The following SFSWAP variants were observed in gnomAD, a reference collection of about 807,000 sequenced individuals.
The protein encoded by SFSWAP is splicing factor, suppressor of white-apricot homolog.
SFSWAP carries 17 observed loss-of-function variants against 100.7 expected under a neutral mutation model. The observed-to-expected ratio is 0.17, with a 90% confidence interval of 0.12 to 0.25. The LOEUF is 0.25. Among genes scored for constraint, SFSWAP ranks in the 10% least tolerant of loss-of-function variants. The pLI is 1.00. For synonymous variants in SFSWAP, 504 were observed against 510.1 expected, an observed-to-expected ratio of 0.99 and a Z score of 0.16; for missense variants, 1,005 against 1,262.6, an observed-to-expected ratio of 0.80 and a Z score of 3.09.
At chr12:131,735,330 C>T (rs1879906761) in intron 7 of SFSWAP, among the ~76,000 whole-genome samples, 1 of 152,176 alleles carries the variant, frequency 6.6e-6, no homozygotes. Context: ...GAGCCCTTTG[C>T]TTTGCTTCTC....
At chr12:131,739,804 A>G (rs1032341901) in intron 7 of SFSWAP, among the ~76,000 whole-genome samples, 8 of 151,844 alleles carry the variant, frequency 5.3e-5, no homozygotes, top group African/African-American at 1.9e-4. Flanking sequence ...TGGCCTCCCA[A>G]AGTGCTGGGA....
At chr12:131,760,869 C>G (rs114446800) in intron 11 of SFSWAP, among the ~76,000 whole-genome samples, 1,809 of 152,186 alleles carry the variant, frequency 0.012, 36 homozygotes, top group African/African-American at 0.04. Context: ...GTCGGGATTT[C>G]GAGACCAGCC....
At chr12:131,776,218 T>C (rs1884013642) in intron 13 of SFSWAP, among the ~76,000 whole-genome samples, 1 of 152,176 alleles carries the variant, frequency 6.6e-6, no homozygotes, top group Non-Finnish European at 1.5e-5. Context: ...GTAAAGTGGA[T>C]TTTTTTGCCA....
In SFSWAP at chr12:131,711,483, C is replaced by T. The variant is rs760936378; in HGVS notation, c.218+36C>T. 7.2e-6 allele frequency: 11 copies of T among 1,525,800 alleles called. No homozygotes were observed. The highest frequency in any genetic ancestry group is 3.4e-5 in the South Asian group (3 of 89,324). The allele number at this position is 1,525,800 out of a possible 1,614,324, so 94.5% of individuals were successfully genotyped here. On this transcript the variant is annotated intron_variant, in intron 1 of 17. Transcript: ENST00000261674. The surrounding 1 kb of genome is among the most constrained non-coding windows in gnomAD (Gnocchi z 4.9). ...CTCCCCACCCGTCGATCCTTCCCTT[C>T]CCTCACCCGCTTGATCTCGTCTGAT... is the stretch of plus-strand genomic sequence containing the variant.
chr12:131,776,918 T>C (rs557153277), intron 13 of SFSWAP, among the ~76,000 whole-genome samples: 1 of 152,356 alleles, frequency 6.6e-6, no homozygotes, highest in South Asian at 2.1e-4. Flanking sequence ...CTGGTTCCGA[T>C]GCGCTGTGGT....
chr12:131,785,603 C>T (rs1566056978), intron 14 of SFSWAP: 1 of 177,522 alleles, frequency 5.6e-6, no homozygotes, highest in African/African-American at 2.4e-5. Flanking sequence ...AGGTCCCAAA[C>T]TCATCGCTAA....
At chr12:131,795,142 C>T (rs1158826019) in intron 15 of SFSWAP, among the ~76,000 whole-genome samples, 1 of 152,222 alleles carries the variant, frequency 6.6e-6, no homozygotes, top group Non-Finnish European at 1.5e-5. Context: ...ACATGTTGTC[C>T]TCACTGGGCA....
chr12:131,783,872 CTG>C (rs1884704822), intron 14 of SFSWAP: 1 of 141,968 alleles, frequency 7.0e-6, no homozygotes, highest in Non-Finnish European at 1.5e-5. Context: ...GTGAAGGAGA[CTG>C]GGGATTTGGA....
chr12:131,797,230 A>G lies in SFSWAP; in HGVS notation c.2587A>G (p.Lys863Glu), dbSNP rs767096650. 3 of 1,612,332 alleles carry G rather than the reference A, an allele frequency of 1.9e-6. No homozygotes were observed. The highest frequency in any genetic ancestry group is 2.2e-5 in the East Asian group (1 of 44,880). Residue 863 changes from lysine to glutamate, a missense_variant, in exon 16 of 18, where the codon AAG becomes GAG. Physicochemically the swap from Lys to Glu is moderately conservative, Grantham distance 56 (BLOSUM62 1). Coordinates refer to ENST00000261674, the MANE Select transcript of SFSWAP (RefSeq NM_004592.4). ...KRRSRSRTKS[K>E]ARSQSVSPSK... ...GCGGTCCCGGTCGCGGACCAAGTCC[A>G]AGGCCAGGTCTCAGTCGGTGTCACC...
At chr12:131,744,783 G>T (rs1381114381) in intron 7 of SFSWAP, among the ~76,000 whole-genome samples, 2 of 152,176 alleles carry the variant, frequency 1.3e-5, no homozygotes, top group Admixed American at 1.3e-4. Context: ...AGAAAAAGAG[G>T]TTTAATGGAC....
chr12:131,783,792 T>TTTTATATATATA (rs1312028614), intron 14 of SFSWAP: 3 of 86,682 alleles, frequency 3.5e-5, no homozygotes, highest in Non-Finnish European at 7.1e-5. Flanking sequence ...AAAAAACATT[T>TTTTATATATATA]TATATATATA....
Position 131,797,339 on chromosome 12 carries a change from G to C in SFSWAP, c.2696G>C (p.Gly899Ala). The change falls in exon 16 of 18, where the codon GGC becomes GCC. Residue 899 changes from glycine to alanine, a missense_variant. Gly to Ala is a moderately conservative substitution (Grantham distance 60). Transcript: ENST00000261674. ...SASVSPVESR[G>A]SSQERSRGVS... Reference sequence around the variant, plus strand: ...AGCGTCTCCCCTGTGGAGAGTCGGGGCTCCAGCCAGGAGCGCTCCAGGTAA... The same window carrying C: ...AGCGTCTCCCCTGTGGAGAGTCGGGCCTCCAGCCAGGAGCGCTCCAGGTAA... 1 of 1,609,422 alleles carries C rather than the reference G, an allele frequency of 6.2e-7. No homozygotes were observed. Among genetic ancestry groups the C allele is most frequent in the Non-Finnish European group, 8.5e-7 (1 of 1,178,090 alleles).
Position 131,734,847 on chromosome 12 carries a change from A to T in SFSWAP, c.1081+6419A>T, listed in dbSNP as rs549344613. On this transcript the variant is annotated intron_variant, in intron 7 of 17. Coordinates refer to ENST00000261674, the MANE Select transcript of SFSWAP (RefSeq NM_004592.4). This position sits in a 1 kb window ranked among gnomAD's most constrained non-coding sequence, Gnocchi z 4.9. Reference sequence around the variant, plus strand: ...TATGCTGAGGAGCAGGCATTGGAACATGACGGAGCTGCTGCTGCTGCAGCC... The same window carrying T: ...TATGCTGAGGAGCAGGCATTGGAACTTGACGGAGCTGCTGCTGCTGCAGCC... 6.9e-6 allele frequency among the ~76,000 whole-genome samples: 1 copy of T among 144,528 alleles called. No individual in the cohort carries two copies. The highest frequency in any genetic ancestry group is 2.2e-4 in the East Asian group (1 of 4,584). 94.8% of individuals were successfully genotyped at this position (144,528 alleles called of 152,430 possible).
rs1566007491 is a variant in SFSWAP, at chr12:131,725,534, G to A, written c.736G>A (p.Asp246Asn). 3 of 1,614,064 alleles carry A rather than the reference G, an allele frequency of 1.9e-6. No homozygotes were observed. Among genetic ancestry groups the A allele is most frequent in the East Asian group, 2.2e-5 (1 of 44,878 alleles). Reference sequence around the variant, plus strand: ...CTCCCAGTTTGACTTTCTGCGCTTCGACCACTACCTCAACCCCTACTATAA... The same window carrying A: ...CTCCCAGTTTGACTTTCTGCGCTTCAACCACTACCTCAACCCCTACTATAA... ...RNSQFDFLRFDHYLNPYYKFI... is the reference protein window; with the variant it reads ...RNSQFDFLRFNHYLNPYYKFI... The change falls in exon 5 of 18, where the codon GAC becomes AAC. Residue 246 changes from aspartate to asparagine, a missense_variant. Physicochemically the swap from Asp to Asn is conservative, Grantham distance 23. Transcript: ENST00000261674. This position sits in a 1 kb window ranked among gnomAD's most constrained non-coding sequence, Gnocchi z 4.3.
intron 15 of SFSWAP, among the ~76,000 whole-genome samples, chr12:131,792,530 T>C (rs1258899065): frequency 6.7e-6 from 1 of 149,536 alleles, no homozygotes; most frequent in Non-Finnish European, 1.5e-5. Flanking sequence ...TGTTCACAGA[T>C]CAGTACTGTG....
intron 7 of SFSWAP, among the ~76,000 whole-genome samples, chr12:131,741,386 A>G (rs1880612294): frequency 1.3e-5 from 2 of 152,188 alleles, no homozygotes; most frequent in African/African-American, 4.8e-5. Flanking sequence ...CTGTAGTCCC[A>G]GCACTTTGGG....
intron 7 of SFSWAP, among the ~76,000 whole-genome samples, chr12:131,750,235 G>A (rs770167563): frequency 2.0e-5 from 3 of 152,228 alleles, no homozygotes; most frequent in Non-Finnish European, 2.9e-5. Context: ...ACGGTGTAGC[G>A]GAATTCATGA....
chr12:131,747,620 G>A (rs1259075654), intron 7 of SFSWAP, among the ~76,000 whole-genome samples: 1 of 152,146 alleles, frequency 6.6e-6, no homozygotes, highest in Non-Finnish European at 1.5e-5. Context: ...ACACATGGAG[G>A]GCAGGAGGTG....
rs997291926 is a variant in SFSWAP at position 131,730,083 on chromosome 12, C to T, written c.1081+1655C>T. Among the ~76,000 whole-genome samples the T allele has an allele frequency of 6.6e-6, 1 of 152,204 alleles. No homozygotes were observed. The highest frequency in any genetic ancestry group is 1.5e-5 in the Non-Finnish European group (1 of 68,042). On this transcript the variant is annotated intron_variant, in intron 7 of 17. Coordinates refer to ENST00000261674, the MANE Select transcript of SFSWAP (RefSeq NM_004592.4). The surrounding 1 kb of genome is among the most constrained non-coding windows in gnomAD (Gnocchi z 4.0). ...GGTCAGCTCTACTGCTACAGAGGTGCGTGTTCAATAGTGTAGGCAGCCAGC... is the reference window on the plus strand; with the variant it reads ...GGTCAGCTCTACTGCTACAGAGGTGTGTGTTCAATAGTGTAGGCAGCCAGC...
Sources: gnomAD v4.1 joint callset for allele counts (sites outside exome capture counted in the v4.1 genomes callset) on GRCh38, gnomAD v4.1.1 for gene constraint, Gnocchi (gnomAD v3.1) non-coding constraint, MANE v1.5 for transcripts, NCBI Gene and HGNC (gene_info 2026-07-23, HGNC 2026-07-21) for gene names.